NBEA: variants seen among roughly 807,000 people sequenced by gnomAD.
The protein encoded by NBEA is lysosomal-trafficking regulator 2.
Under a neutral mutation model 343.4 loss-of-function variants are expected in NBEA, and 44 were observed. The observed-to-expected ratio is 0.13, with a 90% CI of 0.10 to 0.16. The LOEUF is 0.16. NBEA is among the 10% of genes least tolerant of loss of function. The probability of loss-of-function intolerance (pLI) is 1.00; values close to 1 mark genes in which losing one functional copy is unlikely to be tolerated. For missense variants in NBEA, 2,555 were observed against 3,631.3 expected, an observed-to-expected ratio of 0.70 and a Z score of 7.62; for synonymous variants, 1,175 against 1,238.7, an observed-to-expected ratio of 0.95 and a Z score of 1.08.
At chr13:35,184,814 G>A (rs2071575601) in intron 30 of NBEA, among the ~76,000 whole-genome samples, 1 of 152,088 alleles carries the variant, frequency 6.6e-6, no homozygotes, top group Non-Finnish European at 1.5e-5. Context: ...CTGTGTAGGA[G>A]TAACATGAGA....
intron 1 of NBEA, among the ~76,000 whole-genome samples, chr13:35,012,534 G>T (rs2061521364): frequency 6.6e-6 from 1 of 152,144 alleles, no homozygotes; most frequent in Admixed American, 6.5e-5. Flanking sequence ...AGAGTCTTTA[G>T]TCCTGCAGCT....
chr13:35,007,949 G>T (rs1566155004), intron 1 of NBEA, among the ~76,000 whole-genome samples: 1 of 152,140 alleles, frequency 6.6e-6, no homozygotes, highest in East Asian at 1.9e-4. Context: ...AGTATGGCTG[G>T]CTATTTTTTA....
At chr13:35,402,777 G>A (rs554115276) in intron 38 of NBEA, among the ~76,000 whole-genome samples, 11 of 152,102 alleles carry the variant, frequency 7.2e-5, no homozygotes, top group South Asian at 4.1e-4. Flanking sequence ...CAAATAGGCC[G>A]GATTGCATTT....
intron 52 of NBEA, among the ~76,000 whole-genome samples, chr13:35,650,656 C>G: frequency 6.6e-6 from 1 of 152,192 alleles, no homozygotes; most frequent in South Asian, 2.1e-4. Flanking sequence ...GAGCTGAGAT[C>G]GCGCCACTGC....
At chr13:35,515,078 A>G (rs1334565029) in intron 41 of NBEA, among the ~76,000 whole-genome samples, 1 of 152,228 alleles carries the variant, frequency 6.6e-6, no homozygotes, top group East Asian at 1.9e-4. Context: ...GTAGGATGAT[A>G]TACTGCAAAT....
chr13:35,084,453 G>A, intron 10 of NBEA, among the ~76,000 whole-genome samples: 1 of 152,130 alleles, frequency 6.6e-6, no homozygotes, highest in East Asian at 1.9e-4. Context: ...CAACTACATG[G>A]AAACTGAACA....
chr13:35,499,225 G>A (rs529463708), intron 41 of NBEA, among the ~76,000 whole-genome samples: 78 of 152,176 alleles, frequency 5.1e-4, no homozygotes, highest in African/African-American at 1.8e-3. Flanking sequence ...CACTTCTAAA[G>A]TGTCTATTCA....
intron 38 of NBEA, among the ~76,000 whole-genome samples, chr13:35,398,192 AG>A (rs2042833822): frequency 6.6e-6 from 1 of 152,086 alleles, no homozygotes; most frequent in Non-Finnish European, 1.5e-5. Context: ...CATCCTCAAA[AG>A]TTTTATTATG....
At chr13:35,375,863 T>G (rs915979810) in intron 38 of NBEA, among the ~76,000 whole-genome samples, 1 of 152,164 alleles carries the variant, frequency 6.6e-6, no homozygotes, top group Non-Finnish European at 1.5e-5. Context: ...CATAGTTACC[T>G]GAATTAATAT....
intron 1 of NBEA, among the ~76,000 whole-genome samples, chr13:35,021,625 T>A (rs545846493): frequency 6.6e-6 from 1 of 150,884 alleles, no homozygotes; most frequent in East Asian, 1.9e-4. Context: ...TAACTACACT[T>A]TTTTTTTTAC....
intron 19 of NBEA, 46 bp from the exon 20 acceptor site, chr13:35,156,037 A>G (rs2069147544): frequency 1.9e-6 from 3 of 1,546,364 alleles, no homozygotes; most frequent in Non-Finnish European, 2.6e-6. Context: ...TGAGTTGAAC[A>G]TAGGATATGG....
intron 41 of NBEA, among the ~76,000 whole-genome samples, chr13:35,487,344 CA>C (rs2076339486): frequency 6.6e-6 from 1 of 151,822 alleles, no homozygotes; most frequent in Non-Finnish European, 1.5e-5. Context: ...TACTTATGCT[CA>C]ATTTGTATTT....
At chr13:35,424,291 T>A (rs868073853) in intron 38 of NBEA, among the ~76,000 whole-genome samples, 1 of 152,060 alleles carries the variant, frequency 6.6e-6, no homozygotes, top group African/African-American at 2.4e-5. Flanking sequence ...TGGGTTTGTC[T>A]TAGATAGCTC....
Position 35,171,358 on chromosome 13 carries a change from T to C in NBEA, c.4329T>C (p.Asp1443=), listed in dbSNP as rs752662674. Residue 1443 remains aspartate, a synonymous_variant, in exon 26 of 59, where the codon GAT becomes GAC. Transcript: ENST00000379939. ...TCAGCCGGCTGATGGCTATGGTTGA[T>C]GTACTTGTGTTTGCAAGCTCTCTAA... is the stretch of plus-strand genomic sequence containing the variant. The part of the protein sequence containing the change: ...TFLSRLMAMV[D]VLVFASSLNF... 1 of 1,611,942 alleles carries C rather than the reference T, an allele frequency of 6.2e-7. No individual in the cohort carries two copies. Among genetic ancestry groups the C allele is most frequent in the Admixed American group, 1.7e-5 (1 of 59,924 alleles).
chr13:35,585,387 C>G (rs1007322162), intron 46 of NBEA, among the ~76,000 whole-genome samples: 2 of 147,078 alleles, frequency 1.4e-5, no homozygotes, highest in Non-Finnish European at 3.0e-5. Context: ...CCTATCATGT[C>G]TCTTGAAGCA....
chr13:35,635,562 C>T (rs1170356224), intron 49 of NBEA, among the ~76,000 whole-genome samples: 11 of 151,966 alleles, frequency 7.2e-5, no homozygotes, highest in Admixed American at 3.3e-4. Context: ...AGTGAAAATA[C>T]GTATTTGGTG....
At chr13:35,072,583 G>A (rs2063919815) in intron 10 of NBEA, among the ~76,000 whole-genome samples, 1 of 151,726 alleles carries the variant, frequency 6.6e-6, no homozygotes, top group African/African-American at 2.4e-5. Flanking sequence ...TATTTGAGAT[G>A]GAGTCTTACT....
intron 38 of NBEA, among the ~76,000 whole-genome samples, chr13:35,408,738 T>C (rs1208453780): frequency 1.3e-5 from 2 of 152,080 alleles, no homozygotes; most frequent in African/African-American, 2.4e-5. Context: ...CCAATAATCA[T>C]ATGAAAAAAA....
intron 1 of NBEA, among the ~76,000 whole-genome samples, chr13:35,015,036 C>A (rs1404195863): frequency 1.3e-5 from 2 of 149,508 alleles, no homozygotes; most frequent in African/African-American, 4.9e-5. Context: ...TGCCTCTGAT[C>A]CAGCACTGAC....
Sources: allele counts gnomAD v4.1 joint callset (sites outside exome capture counted in the v4.1 genomes callset), GRCh38; gene constraint gnomAD v4.1.1; transcripts MANE v1.5; gene names NCBI Gene and HGNC (gene_info 2026-07-23, HGNC 2026-07-21).